The following UBA3 variants were observed in gnomAD, a reference collection of about 807,000 sequenced individuals.
UBA3 encodes ubiquitin like modifier activating enzyme 3.
A neutral mutation model predicts 73.5 loss-of-function variants in UBA3; 26 were observed. The ratio of observed to expected loss-of-function variants is 0.35; its 90% CI spans 0.26 to 0.49. The LOEUF (loss-of-function observed/expected upper bound fraction) is 0.49, where lower values mean the gene tolerates loss of function less well. UBA3 is among the 20% of genes least tolerant of loss of function. The pLI, the probability that UBA3 is intolerant of heterozygous loss-of-function variation, is 0.98. For missense variants in UBA3, 495 were observed against 555.6 expected (o/e 0.89, Z 1.10); for synonymous variants, 217 against 191.2 (o/e 1.13, Z -1.11).
At chr3:69,072,028 C>G (rs2092125620) in intron 4 of UBA3, among the ~76,000 whole-genome samples, 1 of 152,122 alleles carries the variant, frequency 6.6e-6, no homozygotes, top group Non-Finnish European at 1.5e-5. Context: ...TAATATTAAG[C>G]ATGCCACAAT....
intron 1 of UBA3, 66 bp from the exon 2 acceptor site, chr3:69,080,219 G>T: frequency 1.3e-6 from 2 of 1,490,166 alleles, no homozygotes; most frequent in Middle Eastern, 2.4e-4. Context: ...GGGGAGGGGG[G>T]CGAGGGGACG....
In UBA3 at chr3:69,055,286, A is replaced by AGG; in HGVS notation, c.*149_*150dup. On this transcript the variant is annotated 3_prime_UTR_variant, in exon 18 of 18. Transcript: ENST00000361055. ...CACCAACACCAAAATTCTGTCTTCA[A>AGG]GGGAAGGTTACAAAGTTAAAAAAGA... is the stretch of plus-strand genomic sequence containing the variant. 1 of 468,468 alleles carries AGG rather than the reference A, an allele frequency of 2.1e-6. No homozygotes were observed. The highest frequency in any genetic ancestry group is 3.7e-6 in the Non-Finnish European group (1 of 267,750). 29.0% of individuals were successfully genotyped at this position (468,468 alleles called of 1,614,324 possible). A position where few individuals can be genotyped will look rare whatever the true frequency, so the allele number is the denominator to read the frequency against.
At position 69,056,650 on chromosome 3, in the gene UBA3, C is replaced by A; in HGVS notation, c.1045G>T (p.Asp349Tyr). The A allele has an allele frequency of 6.2e-7, 1 of 1,613,296 alleles. No homozygotes were observed. Among genetic ancestry groups the A allele is most frequent in the Admixed American group, 1.7e-5 (1 of 60,004 alleles). ...LNNYLVFNDV[D>Y]GLYTYTFEAE... ...TCAAATGTGTATGTATACAGCCCAT[C>A]TACATCATTAAACACCAAGTAATTA... is the stretch of plus-strand genomic sequence containing the variant. Residue 349 changes from aspartate (D) to tyrosine (Y), a missense_variant, in exon 14 of 18, where the codon GAT becomes TAT. By Grantham distance (160) the Asp-to-Tyr change is radical (BLOSUM62 -3). Coordinates refer to ENST00000361055, the MANE Select transcript of UBA3 (RefSeq NM_003968.4).
chr3:69,079,958 C>G, intron 2 of UBA3, 154 bp downstream of exon 2: 2 of 648,132 alleles, frequency 3.1e-6, no homozygotes, highest in South Asian at 4.3e-5. Context: ...GCCCCCGGGG[C>G]TGCGGGGCGG....
Position 69,054,758 on chromosome 3 carries a change from A to T in UBA3, c.*679T>A, listed in dbSNP as rs908168032. On this transcript the variant is annotated 3_prime_UTR_variant, in exon 18 of 18. Coordinates refer to ENST00000361055, the MANE Select transcript of UBA3 (RefSeq NM_003968.4). ...ACAATATATGATTTTATTAATAAAT[A>T]GTGCAAAAGCATCAGTGATAACTGT... 2.4e-4 allele frequency: 37 copies of T among 152,234 alleles called. No individual in the cohort carries two copies. Among genetic ancestry groups the T allele is most frequent in the African/African-American group, 8.4e-4 (35 of 41,472 alleles). The allele number at this position is 152,234 out of a possible 1,614,324, so 9.4% of individuals were successfully genotyped here. A position where few individuals can be genotyped will look rare whatever the true frequency, so the allele number is the denominator to read the frequency against.
intron 17 of UBA3, 37 bp downstream of exon 17, chr3:69,055,814 A>G: frequency 5.1e-6 from 8 of 1,574,622 alleles, no homozygotes; most frequent in Non-Finnish European, 6.9e-6. Context: ...GAGAGAAAAG[A>G]AAGAAAATGA....
chr3:69,058,085 C>T (rs901091258), intron 11 of UBA3, among the ~76,000 whole-genome samples: 3 of 151,998 alleles, frequency 2.0e-5, no homozygotes, highest in Non-Finnish European at 4.4e-5. Context: ...GGCCCGCCAC[C>T]ACGCCTGGCT....
intron 9 of UBA3, 79 bp from the exon 10 acceptor site, chr3:69,062,258 T>G (rs889311397): frequency 4.3e-6 from 4 of 936,782 alleles, no homozygotes; most frequent in Non-Finnish European, 6.9e-6. Flanking sequence ...GATCTAGTTC[T>G]TAACAATTTC....
At chr3:69,057,140 C>T in intron 12 of UBA3, 116 bp downstream of exon 12, 1 of 1,097,730 alleles carries the variant, frequency 9.1e-7, no homozygotes, top group Non-Finnish European at 1.4e-6. Context: ...TTTTCGACAG[C>T]TTAGTTACAC....
At position 69,061,827 on chromosome 3, in the gene UBA3, A is replaced by G; in HGVS notation, c.897T>C (p.Tyr299=). Residue 299 remains tyrosine, a synonymous_variant, in exon 11 of 18, where the codon TAT becomes TAC. Transcript: ENST00000361055. ...ASQYNIRGVT[Y]RLTQGVVKRI... ...TTGCTGACTTACCTTGAGTGAGCCT[A>G]TACGTAACACCCCTAATATTATATT... The G allele has an allele frequency of 6.3e-7, 1 of 1,599,188 alleles. No homozygotes were observed. Among genetic ancestry groups the G allele is most frequent in the African/African-American group, 1.3e-5 (1 of 74,202 alleles).
chr3:69,077,157 G>A (rs1282779630), intron 3 of UBA3, among the ~76,000 whole-genome samples: 1 of 150,652 alleles, frequency 6.6e-6, no homozygotes, highest in African/African-American at 2.4e-5. Flanking sequence ...AGCATTAAAG[G>A]AGAAAGTTAT....
chr3:69,057,726 T>C (rs1200847671), intron 11 of UBA3, among the ~76,000 whole-genome samples: 1 of 151,934 alleles, frequency 6.6e-6, no homozygotes, highest in Non-Finnish European at 1.5e-5. Flanking sequence ...TAGCAAGAGG[T>C]GGGGTTGGCA....
In UBA3 at chr3:69,080,354, A is replaced by G. The variant is rs770627191; in HGVS notation, c.-1T>C. The G allele has an allele frequency of 1.9e-6, 3 of 1,595,054 alleles. No individual in the cohort carries two copies. Among genetic ancestry groups the G allele is most frequent in the Non-Finnish European group, 2.6e-6 (3 of 1,172,938 alleles). On this transcript the variant is annotated 5_prime_UTR_variant, in exon 1 of 18. Transcript: ENST00000361055. ...CTTACGGCTCCTCGCCATCCGCCATATTGTTCTCCGCCTCTTCCCAGGTGC... is the reference window on the plus strand; with the variant it reads ...CTTACGGCTCCTCGCCATCCGCCATGTTGTTCTCCGCCTCTTCCCAGGTGC...
rs116552987 is a variant in UBA3, at chr3:69,071,752, G to C, written c.265-135C>G. The C allele has an allele frequency of 2.4e-4, 136 of 555,340 alleles. 2 individuals are homozygous for C. The highest frequency in any genetic ancestry group is 2.4e-3 in the African/African-American group (120 of 50,248). 34.4% of individuals were successfully genotyped at this position (555,340 alleles called of 1,614,324 possible). On this transcript the variant is annotated intron_variant, in intron 4 of 17. Coordinates refer to ENST00000361055, the MANE Select transcript of UBA3 (RefSeq NM_003968.4). ...TGTAATTTGTATTCAATGGCTGAAA[G>C]ACTCTTGCAAGGTATATAAAATTCA...
At chr3:69,056,473 G>T (rs2091974685) in intron 14 of UBA3, 139 bp downstream of exon 14, 2 of 863,414 alleles carry the variant, frequency 2.3e-6, no homozygotes, top group African/African-American at 1.7e-5. Flanking sequence ...AGTTATTTCA[G>T]GCTATAAAGC....
At chr3:69,063,924 T>A in intron 7 of UBA3, 144 bp downstream of exon 7, 2 of 695,136 alleles carry the variant, frequency 2.9e-6, no homozygotes, top group Non-Finnish European at 4.9e-6. Context: ...CTTTTCAGTC[T>A]ATCAGCAACA....
chr3:69,065,814 CTTTT>C (rs528732611), intron 6 of UBA3, among the ~76,000 whole-genome samples: 1 of 144,980 alleles, frequency 6.9e-6, no homozygotes, highest in Non-Finnish European at 1.5e-5. Context: ...TTGAGACTGG[CTTTT>C]TTTTTTTAGT....
chr3:69,074,310 G>A (rs1232069228), intron 4 of UBA3, among the ~76,000 whole-genome samples: 2 of 152,038 alleles, frequency 1.3e-5, no homozygotes, highest in Non-Finnish European at 2.9e-5. Context: ...GTTTGATACG[G>A]TACTGTCATT....
intron 6 of UBA3, among the ~76,000 whole-genome samples, chr3:69,065,623 T>C (rs939558833): frequency 6.6e-6 from 1 of 152,098 alleles, no homozygotes; most frequent in Non-Finnish European, 1.5e-5. Context: ...TTCTAGTTTT[T>C]ACAGAAATAG....
Sources: gnomAD v4.1 joint callset for allele counts (sites outside exome capture counted in the v4.1 genomes callset) on GRCh38, gnomAD v4.1.1 for gene constraint, MANE v1.5 for transcripts, NCBI Gene and HGNC (gene_info 2026-07-23, HGNC 2026-07-21) for gene names.